The following ARHGAP32 variants were observed in gnomAD, a reference collection of about 807,000 sequenced individuals.
ARHGAP32 encodes Rho GTPase activating protein 32, also known as rho GTPase-activating protein 32.
A neutral mutation model predicts 186.5 loss-of-function variants in ARHGAP32; 51 were observed. The observed-to-expected ratio is 0.27, with a 90% confidence interval of 0.22 to 0.35. The LOEUF (loss-of-function observed/expected upper bound fraction) is 0.35. Ranked by LOEUF, ARHGAP32 falls within the 10% of genes least tolerant of loss-of-function variation. ARHGAP32 has a pLI of 1.00. For synonymous variants in ARHGAP32, 950 were observed against 964.3 expected (o/e 0.99, Z 0.27); for missense variants, 2,186 against 2,623.5 (o/e 0.83, Z 3.64).
At chr11:129,128,266 C>A (rs561503781) in intron 2 of ARHGAP32, among the ~76,000 whole-genome samples, 1 of 152,176 alleles carries the variant, frequency 6.6e-6, no homozygotes, top group Admixed American at 6.5e-5. Flanking sequence ...TGCAAATTGC[C>A]ATGTAGTGTT....
At chr11:129,013,537 C>A (rs1428151104) in intron 11 of ARHGAP32, among the ~76,000 whole-genome samples, 1 of 152,136 alleles carries the variant, frequency 6.6e-6, no homozygotes, top group African/African-American at 2.4e-5. Context: ...TAATTGGACT[C>A]CTCTTCATTG....
chr11:129,132,846 T>C (rs1408512904), intron 2 of ARHGAP32, among the ~76,000 whole-genome samples: 1 of 152,110 alleles, frequency 6.6e-6, no homozygotes, highest in Non-Finnish European at 1.5e-5. Flanking sequence ...TTGGAACCAA[T>C]GGAAAGACTG....
chr11:129,192,004 C>G, intron 1 of ARHGAP32, 79 bp downstream of exon 1: 1 of 1,070,162 alleles, frequency 9.3e-7, no homozygotes, highest in Non-Finnish European at 1.4e-6. Flanking sequence ...GAAAAAAGAC[C>G]GAAATGCAGA....
intron 11 of ARHGAP32, among the ~76,000 whole-genome samples, chr11:129,039,628 G>A (rs1939504708): frequency 6.6e-6 from 1 of 152,292 alleles, no homozygotes; most frequent in African/African-American, 2.4e-5. Context: ...AAGTGATGAA[G>A]GTGTTCTAAA....
At chr11:129,207,707 C>T (rs911196452) in intron 1 of ARHGAP32, among the ~76,000 whole-genome samples, 2 of 151,908 alleles carry the variant, frequency 1.3e-5, no homozygotes, top group African/African-American at 4.8e-5. Flanking sequence ...TCTAGCTTTA[C>T]TGAATGGCTT....
chr11:129,148,667 C>A (rs1216385966), intron 2 of ARHGAP32, among the ~76,000 whole-genome samples: 1 of 152,108 alleles, frequency 6.6e-6, no homozygotes, highest in African/African-American at 2.4e-5. Context: ...AACGTAGGAG[C>A]CACTGGTGAC....
intron 10 of ARHGAP32, among the ~76,000 whole-genome samples, chr11:129,043,587 C>A (rs1441187736): frequency 1.3e-5 from 2 of 151,784 alleles, no homozygotes; most frequent in Non-Finnish European, 1.5e-5. Flanking sequence ...GGGTTTTCTC[C>A]ATGTTGGTCA....
intron 20 of ARHGAP32, among the ~76,000 whole-genome samples, chr11:128,976,297 T>C (rs1945540619): frequency 6.6e-6 from 1 of 152,114 alleles, no homozygotes; most frequent in Non-Finnish European, 1.5e-5. Flanking sequence ...TAGATATTAA[T>C]AAATATAAAT....
chr11:129,108,985 C>A (rs1942127719), intron 5 of ARHGAP32, among the ~76,000 whole-genome samples: 1 of 152,096 alleles, frequency 6.6e-6, no homozygotes, highest in Non-Finnish European at 1.5e-5. Flanking sequence ...CTATAGTCAT[C>A]CTACTCTGGT....
intron 11 of ARHGAP32, among the ~76,000 whole-genome samples, chr11:129,023,579 G>T (rs1410582329): frequency 6.6e-6 from 1 of 152,276 alleles, no homozygotes; most frequent in African/African-American, 2.4e-5. Context: ...GAAATAAGCT[G>T]ATTGGAAATA....
chr11:129,212,352 C>G (rs925482293), intron 1 of ARHGAP32, among the ~76,000 whole-genome samples: 7 of 152,004 alleles, frequency 4.6e-5, no homozygotes, highest in African/African-American at 1.7e-4. Flanking sequence ...GAAAATAAGG[C>G]TCTCACTGTG....
At chr11:129,273,749 G>A (rs7926509) in intron 1 of ARHGAP32, among the ~76,000 whole-genome samples, 46,776 of 151,918 alleles carry the variant, frequency 0.31, 7,505 homozygotes, top group Middle Eastern at 0.4. Context: ...AAGCAGTGGA[G>A]TCAAATGGCT....
At chr11:129,029,560 T>C (rs1408184628) in intron 11 of ARHGAP32, among the ~76,000 whole-genome samples, 2 of 151,964 alleles carry the variant, frequency 1.3e-5, no homozygotes, top group African/African-American at 4.8e-5. Context: ...TCCCAGCACT[T>C]TGGGAGGCCG....
intron 1 of ARHGAP32, among the ~76,000 whole-genome samples, chr11:129,184,552 A>C (rs1944120217): frequency 6.6e-6 from 1 of 152,106 alleles, no homozygotes; most frequent in Non-Finnish European, 1.5e-5. Flanking sequence ...AAAAAACTTC[A>C]ATTCACAAAG....
At position 128,970,449 on chromosome 11, in the gene ARHGAP32, A is replaced by T. The variant is rs908138644; in HGVS notation, c.4764T>A (p.Ile1588=). ...SVRNTCYPED[I]PPYPTIRRVQ... is the part of the protein sequence containing the mutation. ...CTCTCCGGATGGTAGGGTACGGTGG[A>T]ATGTCTTCGGGGTAACAGGTATTCC... The change falls in exon 23 of 23, where the codon ATT becomes ATA. Residue 1588 remains isoleucine, a synonymous_variant. Transcript: ENST00000682385. This position sits in a 1 kb window ranked among gnomAD's most constrained non-coding sequence, Gnocchi z 5.8. 1 of 1,614,160 alleles carries T rather than the reference A, an allele frequency of 6.2e-7. No homozygotes were observed. The highest frequency in any genetic ancestry group is 1.3e-5 in the African/African-American group (1 of 75,012).
intron 2 of ARHGAP32, among the ~76,000 whole-genome samples, chr11:129,126,543 T>C (rs966693358): frequency 2.0e-5 from 3 of 152,030 alleles, no homozygotes; most frequent in South Asian, 2.1e-4. Flanking sequence ...CTTTCACTTA[T>C]AGAAAAGAGA....
intron 1 of ARHGAP32, among the ~76,000 whole-genome samples, chr11:129,259,292 C>T (rs1324566053): frequency 6.6e-6 from 1 of 151,996 alleles, no homozygotes; most frequent in Non-Finnish European, 1.5e-5. Context: ...GAAATAAAGT[C>T]GTGTTTGGGC....
At chr11:129,184,268 T>C (rs753562583) in intron 1 of ARHGAP32, among the ~76,000 whole-genome samples, 3 of 152,120 alleles carry the variant, frequency 2.0e-5, no homozygotes, top group African/African-American at 4.8e-5. Context: ...TGGGGGCTAC[T>C]GAAGAAAACA....
chr11:129,073,985 C>A (rs770359959), intron 6 of ARHGAP32, among the ~76,000 whole-genome samples: 1 of 152,110 alleles, frequency 6.6e-6, no homozygotes, highest in Non-Finnish European at 1.5e-5. Flanking sequence ...GAATTCCATA[C>A]TCTGCAAAAT....
Sources: allele counts gnomAD v4.1 joint callset (sites outside exome capture counted in the v4.1 genomes callset), GRCh38; gene constraint gnomAD v4.1.1; non-coding constraint Gnocchi (gnomAD v3.1); transcripts MANE v1.5; gene names NCBI Gene and HGNC (gene_info 2026-07-23, HGNC 2026-07-21).